Variants in CACNA1B observed in about 807,000 individuals in gnomAD.
CACNA1B encodes voltage-dependent N-type calcium channel subunit alpha-1B.
A neutral mutation model predicts 247.2 loss-of-function variants in CACNA1B; 70 were observed. The observed-to-expected ratio is 0.28, with a 90% CI of 0.23 to 0.35. The LOEUF is 0.35. Ranked by LOEUF, CACNA1B falls within the 10% of genes least tolerant of loss-of-function variation. The pLI is 1.00. For synonymous variants in CACNA1B, 1,231 were observed against 1,294.4 expected (o/e 0.95, Z 1.05); for missense variants, 2,367 against 3,197.4 (o/e 0.74, Z 6.26).
At chr9:138,004,549 C>CAAAAA (rs762250306) in intron 15 of CACNA1B, among the ~76,000 whole-genome samples, 1 of 62,452 alleles carries the variant, frequency 1.6e-5, no homozygotes, top group African/African-American at 5.6e-5. Flanking sequence ...GACCCTGTCT[C>CAAAAA]AAAAAAAAAA....
rs779357673 is a variant in CACNA1B, at chr9:138,107,268, A to ATTTATG, written c.5428+1462_5428+1463insTTATGT. 2.3e-3 allele frequency among the ~76,000 whole-genome samples: 42 copies of ATTTATG among 18,410 alleles called. No individual in the cohort carries two copies. In the East Asian group the frequency reaches 0.07, roughly 31 times the overall value. 12.1% of individuals were successfully genotyped at this position (18,410 alleles called of 152,430 possible). A position where few individuals can be genotyped will look rare whatever the true frequency, so the allele number is the denominator to read the frequency against. On this transcript the variant is annotated intron_variant, in intron 39 of 46. Coordinates refer to ENST00000371372, the MANE Select transcript of CACNA1B (RefSeq NM_000718.4). ...TTTATTTATTTATTTATTTATTTAT[A>ATTTATG]TAGGGTCTCACTGTGTCACCCAGGC...
chr9:137,986,968 A>G lies in CACNA1B; in HGVS notation c.1974+114A>G. On this transcript the variant is annotated intron_variant, in intron 15 of 46. Transcript: ENST00000371372. This position sits in a 1 kb window ranked among gnomAD's most constrained non-coding sequence, Gnocchi z 6.0. The stretch of plus-strand genomic sequence containing the variant: ...CTTGTTCCTCCACACGGCCCAGATC[A>G]CTGACTTTTCAGACACAGTGTTCCT... 1.2e-6 allele frequency: 1 copy of G among 837,914 alleles called. No homozygotes were observed. Among genetic ancestry groups the G allele is most frequent in the Non-Finnish European group, 2.1e-6 (1 of 486,600 alleles). 51.9% of individuals were successfully genotyped at this position (837,914 alleles called of 1,614,324 possible).
At chr9:137,903,316 G>A (rs1230225862) in intron 3 of CACNA1B, among the ~76,000 whole-genome samples, 3 of 152,198 alleles carry the variant, frequency 2.0e-5, no homozygotes, top group Non-Finnish European at 4.4e-5. Context: ...AACCCAGGAG[G>A]TGGAGGTTGC....
chr9:137,888,310 C>T lies in CACNA1B; in HGVS notation c.530+5427C>T, dbSNP rs1208362616. On this transcript the variant is annotated intron_variant, in intron 3 of 46. Coordinates refer to ENST00000371372, the MANE Select transcript of CACNA1B (RefSeq NM_000718.4). The surrounding 1 kb of genome is among the most constrained non-coding windows in gnomAD (Gnocchi z 4.7). The stretch of plus-strand genomic sequence containing the variant: ...TCCGTGCCCCAGCCAGTCTCACGTG[C>T]ATCCACGCTCCCAGTCCTGTCCCCA... 6.6e-6 allele frequency among the ~76,000 whole-genome samples: 1 copy of T among 151,854 alleles called. No homozygotes were observed. The highest frequency in any genetic ancestry group is 1.5e-5 in the Non-Finnish European group (1 of 67,878).
Position 138,006,851 on chromosome 9 carries a change from T to C in CACNA1B, c.2059T>C (p.Phe687Leu), listed in dbSNP as rs1310363560. ...CGTCAGCAAAGGCATGTTCTCGTCC[T>C]TTTACTTCATTGTCCTGACACTGTT... is the stretch of plus-strand genomic sequence containing the variant. ...GGVSKGMFSSFYFIVLTLFGN... is the reference protein window; with the variant it reads ...GGVSKGMFSSLYFIVLTLFGN... The change falls in exon 16 of 47, where the codon TTT becomes CTT. Residue 687 changes from phenylalanine (F) to leucine (L), a missense_variant. Around this residue, in one of 12 missense-constraint regions of CACNA1B, gnomAD observed 76 missense variants for 191.0 expected, o/e 0.40. Transcript: ENST00000371372. The C allele has an allele frequency of 1.9e-6, 3 of 1,602,808 alleles. No individual in the cohort carries two copies. The highest frequency in any genetic ancestry group is 2.6e-6 in the Non-Finnish European group (3 of 1,169,862).
At chr9:138,101,010 C>T (rs1961233060) in intron 37 of CACNA1B, 1 of 452,260 alleles carries the variant, frequency 2.2e-6, no homozygotes, top group South Asian at 1.6e-5. Flanking sequence ...GCCACGCCTG[C>T]GCGAGGTCGG....
intron 36 of CACNA1B, among the ~76,000 whole-genome samples, chr9:138,092,568 C>A (rs1960914277): frequency 6.6e-6 from 1 of 152,140 alleles, no homozygotes; most frequent in Non-Finnish European, 1.5e-5. Flanking sequence ...GTTTTACTAA[C>A]AATTTGTACA....
At chr9:138,022,163 C>A (rs1450945604) in intron 18 of CACNA1B, among the ~76,000 whole-genome samples, 2 of 152,210 alleles carry the variant, frequency 1.3e-5, no homozygotes, top group East Asian at 3.9e-4. Context: ...GACCACTGGC[C>A]ATCCCTGGTG....
At chr9:138,044,245 C>T (rs2133474045) in intron 21 of CACNA1B, among the ~76,000 whole-genome samples, 1 of 152,374 alleles carries the variant, frequency 6.6e-6, no homozygotes, top group South Asian at 2.1e-4. Flanking sequence ...CCTGTGTTGC[C>T]TGCGTGTGTG....
rs933062944 is a variant in CACNA1B, at chr9:137,975,983, C to T, written c.1620C>T (p.Ser540=). ...AGATGTATGGCCTGGGGCCCAGAAG[C>T]TACTTCCGGTCCTCCTTCAACTGCT... is the stretch of plus-strand genomic sequence containing the variant. ...SLKMYGLGPR[S]YFRSSFNCFD... is the part of the protein sequence containing the mutation. Residue 540 remains serine, a synonymous_variant, in exon 12 of 47, where the codon AGC becomes AGT. Coordinates refer to ENST00000371372, the MANE Select transcript of CACNA1B (RefSeq NM_000718.4). 6 of 1,612,946 alleles carry T rather than the reference C, an allele frequency of 3.7e-6. No individual in the cohort carries two copies. The African/African-American group carries it at 8.0e-5, about 22-fold the overall frequency.
At position 138,000,260 on chromosome 9, in the gene CACNA1B, G is replaced by A. The variant is rs377449426; in HGVS notation, c.1975-6507G>A. Among the ~76,000 whole-genome samples the A allele has an allele frequency of 3.6e-3, 548 of 151,898 alleles. 3 individuals are homozygous for A. Among genetic ancestry groups the A allele is most frequent in the African/African-American group, 0.012 (514 of 41,388 alleles). On this transcript the variant is annotated intron_variant, in intron 15 of 46. Coordinates refer to ENST00000371372, the MANE Select transcript of CACNA1B (RefSeq NM_000718.4). ...ACTACAGGCGCCCGCCACTACGCCC[G>A]GCTAATTTTTTGTATTTTTAGTAGA... is the stretch of plus-strand genomic sequence containing the variant.
Position 138,073,586 on chromosome 9 carries a change from C to G in CACNA1B, c.4773C>G (p.Thr1591=), listed in dbSNP as rs765724914. The change falls in exon 33 of 47, where the codon ACC becomes ACG. Residue 1591 remains threonine, a synonymous_variant. Coordinates refer to ENST00000371372, the MANE Select transcript of CACNA1B (RefSeq NM_000718.4). This position sits in a 1 kb window ranked among gnomAD's most constrained non-coding sequence, Gnocchi z 6.4. The part of the protein sequence containing the change: ...QGYTIRILLW[T]FVQSFKALPY... Reference sequence around the variant, plus strand: ...ACACCATCCGCATCCTGCTGTGGACCTTTGTCCAGTCCTTCAAGGTGGGCC... The same window carrying G: ...ACACCATCCGCATCCTGCTGTGGACGTTTGTCCAGTCCTTCAAGGTGGGCC... 1.9e-6 allele frequency: 3 copies of G among 1,605,874 alleles called. No individual in the cohort carries two copies. The Admixed American group carries it at 5.0e-5, about 27-fold the overall frequency.
intron 26 of CACNA1B, among the ~76,000 whole-genome samples, chr9:138,056,153 A>G (rs766093950): frequency 4.6e-5 from 7 of 152,234 alleles, no homozygotes; most frequent in Non-Finnish European, 1.0e-4. Flanking sequence ...TTACAGGTAC[A>G]TGCAAGCATC....
intron 15 of CACNA1B, among the ~76,000 whole-genome samples, chr9:138,001,580 G>T (rs773988439): frequency 9.2e-5 from 14 of 151,550 alleles, no homozygotes; most frequent in Non-Finnish European, 1.8e-4. Context: ...AGCTAATGTC[G>T]TAAGAAAAAA....
intron 20 of CACNA1B, among the ~76,000 whole-genome samples, chr9:138,026,087 C>T (rs964065700): frequency 2.6e-5 from 4 of 152,214 alleles, no homozygotes; most frequent in South Asian, 2.1e-4. Flanking sequence ...CACACACAGA[C>T]GTGTGCGTGC....
intron 39 of CACNA1B, among the ~76,000 whole-genome samples, chr9:138,110,157 C>T (rs1961574611): frequency 6.6e-6 from 1 of 151,864 alleles, no homozygotes; most frequent in Non-Finnish European, 1.5e-5. Flanking sequence ...CTCTGTTGCC[C>T]AGGCTGCAGT....
intron 31 of CACNA1B, among the ~76,000 whole-genome samples, chr9:138,068,778 G>A (rs557679668): frequency 1.8e-4 from 28 of 152,302 alleles, no homozygotes; most frequent in African/African-American, 5.3e-4. Flanking sequence ...CCTGGCTGAC[G>A]TCAGAGATGT....
intron 25 of CACNA1B, 94 bp from the exon 26 acceptor site, chr9:138,053,752 C>T: frequency 1.1e-6 from 1 of 936,464 alleles, no homozygotes; most frequent in South Asian, 1.5e-5. Flanking sequence ...ATCGTGGCTC[C>T]ACCCCTCCCC....
At chr9:137,892,623 G>T (rs1649565351) in intron 3 of CACNA1B, 1 of 348,464 alleles carries the variant, frequency 2.9e-6, no homozygotes, top group South Asian at 2.2e-5. Flanking sequence ...GAGGAGGAGG[G>T]GCACTGTGAG....
Sources: gnomAD v4.1 joint callset for allele counts (sites outside exome capture counted in the v4.1 genomes callset) on GRCh38, gnomAD v4.1.1 for gene constraint, gnomAD v4.1.1 regional missense constraint, Gnocchi (gnomAD v3.1) non-coding constraint, MANE v1.5 for transcripts, NCBI Gene and HGNC (gene_info 2026-07-23, HGNC 2026-07-21) for gene names.